STEAP1B: variants seen among roughly 807,000 people sequenced by gnomAD.
The protein encoded by STEAP1B is STEAP family member 1B.
In STEAP1B, 13 loss-of-function variants were observed where a neutral mutation model predicts 27.9. That is an observed-to-expected ratio of 0.47 (90% confidence interval 0.30 to 0.74). The LOEUF (loss-of-function observed/expected upper bound fraction) is 0.74, where lower values mean the gene tolerates loss of function less well. STEAP1B is among the 30% of genes least tolerant of loss of function. The pLI, the probability that STEAP1B is intolerant of heterozygous loss-of-function variation, is 0.06. For synonymous variants in STEAP1B, 86 were observed against 107.1 expected, an observed-to-expected ratio of 0.80 and a Z score of 1.22; for missense variants, 250 against 298.7, an observed-to-expected ratio of 0.84 and a Z score of 1.20.
chr7:22,430,598 G>A (rs1212893148), intron 4 of STEAP1B, among the ~76,000 whole-genome samples: 1 of 152,182 alleles, frequency 6.6e-6, no homozygotes, highest in Admixed American at 6.5e-5. Flanking sequence ...GGTTCTGACT[G>A]GAACCGTGGG....
At chr7:22,466,866 T>C (rs1210150778) in intron 4 of STEAP1B, among the ~76,000 whole-genome samples, 1 of 152,218 alleles carries the variant, frequency 6.6e-6, no homozygotes, top group Non-Finnish European at 1.5e-5. Context: ...AGCCCTGCAC[T>C]TGCTGGCCAT....
chr7:22,465,631 C>T (rs577299554), intron 4 of STEAP1B, among the ~76,000 whole-genome samples: 2 of 152,184 alleles, frequency 1.3e-5, no homozygotes, highest in African/African-American at 2.4e-5. Flanking sequence ...CTGGGTGTTG[C>T]GCCCAACCCC....
chr7:22,490,624 G>C (rs1481510218), intron 4 of STEAP1B, among the ~76,000 whole-genome samples: 1 of 152,190 alleles, frequency 6.6e-6, no homozygotes, highest in East Asian at 1.9e-4. Context: ...CAACACCTAG[G>C]AGTGTTTATC....
At chr7:22,432,783 G>C (rs973395839) in intron 4 of STEAP1B, among the ~76,000 whole-genome samples, 9 of 152,080 alleles carry the variant, frequency 5.9e-5, no homozygotes, top group Admixed American at 2.6e-4. Flanking sequence ...CAGAAGAAAG[G>C]AGAACGGACA....
At chr7:22,457,287 A>G (rs191586703) in intron 4 of STEAP1B, among the ~76,000 whole-genome samples, 219 of 152,224 alleles carry the variant, frequency 1.4e-3, no homozygotes, top group African/African-American at 4.8e-3. Context: ...TAGAAAAAAT[A>G]AATTAGGAAT....
chr7:22,456,601 C>T (rs974461608), intron 4 of STEAP1B, among the ~76,000 whole-genome samples: 3 of 151,964 alleles, frequency 2.0e-5, no homozygotes, highest in African/African-American at 7.3e-5. Flanking sequence ...TTTACTTATG[C>T]CCATTTTGAA....
intron 4 of STEAP1B, among the ~76,000 whole-genome samples, chr7:22,443,053 G>A (rs1446865212): frequency 2.0e-5 from 3 of 152,092 alleles, no homozygotes; most frequent in Non-Finnish European, 4.4e-5. Flanking sequence ...CCTCCCACTC[G>A]CTCCTGCCTG....
intron 4 of STEAP1B, among the ~76,000 whole-genome samples, chr7:22,468,891 C>T (rs1035880258): frequency 1.3e-5 from 2 of 152,228 alleles, no homozygotes; most frequent in African/African-American, 4.8e-5. Flanking sequence ...CACTGCCAGT[C>T]ATACAAAAGC....
At chr7:22,475,661 G>C (rs1449796473) in intron 4 of STEAP1B, among the ~76,000 whole-genome samples, 3 of 152,166 alleles carry the variant, frequency 2.0e-5, no homozygotes, top group African/African-American at 7.2e-5. Flanking sequence ...AGCTTTCCCT[G>C]AGAATGACCC....
In STEAP1B at chr7:22,453,423, G is replaced by A. The variant is rs1295737744; in HGVS notation, c.763-33587C>T. On this transcript the variant is annotated intron_variant, in intron 4 of 4. Coordinates refer to ENST00000678116, the MANE Select transcript of STEAP1B (RefSeq NM_001382447.1). ...CTACAGAGACCCCTTTGCAGTCATT[G>A]GCCTCAGGGAGGTTGTAAAGTACCA... Among the ~76,000 whole-genome samples, 14 of 151,870 alleles carry A rather than the reference G, an allele frequency of 9.2e-5. No individual in the cohort carries two copies. In the East Asian group the frequency reaches 2.7e-3, roughly 29 times the overall value.
intron 4 of STEAP1B, among the ~76,000 whole-genome samples, chr7:22,421,233 T>C (rs1583624718): frequency 6.6e-6 from 1 of 152,234 alleles, no homozygotes; most frequent in South Asian, 2.1e-4. Flanking sequence ...ATTGTGCTTT[T>C]ATGAAATAGG....
intron 4 of STEAP1B, among the ~76,000 whole-genome samples, chr7:22,465,808 G>C (rs1362635257): frequency 6.6e-6 from 1 of 152,176 alleles, no homozygotes; most frequent in Non-Finnish European, 1.5e-5. Context: ...GTCCAGTGCT[G>C]ACAGGCTGGA....
intron 4 of STEAP1B, among the ~76,000 whole-genome samples, chr7:22,453,895 G>A (rs182086698): frequency 1.7e-4 from 26 of 152,268 alleles, no homozygotes; most frequent in South Asian, 6.2e-4. Context: ...TTGTATTGCT[G>A]AGTAGTATTC....
intron 4 of STEAP1B, among the ~76,000 whole-genome samples, chr7:22,484,686 C>T (rs919543201): frequency 4.6e-5 from 7 of 152,160 alleles, no homozygotes; most frequent in Admixed American, 2.0e-4. Flanking sequence ...GCCAGAGATG[C>T]CATAGGTAAT....
intron 4 of STEAP1B, among the ~76,000 whole-genome samples, chr7:22,452,038 C>T (rs1274530292): frequency 1.3e-5 from 2 of 152,080 alleles, no homozygotes; most frequent in African/African-American, 4.8e-5. Flanking sequence ...CACTGGGATT[C>T]ATTAGTAATT....
chr7:22,464,045 G>A (rs535505792), intron 4 of STEAP1B, among the ~76,000 whole-genome samples: 92 of 152,058 alleles, frequency 6.1e-4, no homozygotes, highest in African/African-American at 1.8e-3. Flanking sequence ...GAAAATTTTC[G>A]CAACCTACTC....
At chr7:22,419,933 G>C (rs1204471511) in intron 4 of STEAP1B, 97 bp from the exon 5 acceptor site, 25 of 1,391,306 alleles carry the variant, frequency 1.8e-5, no homozygotes, top group Non-Finnish European at 2.3e-5. Flanking sequence ...ATGAGAAATT[G>C]CAAGTATACA....
intron 4 of STEAP1B, among the ~76,000 whole-genome samples, chr7:22,484,790 A>G (rs1031986492): frequency 6.6e-6 from 1 of 152,254 alleles, no homozygotes; most frequent in African/African-American, 2.4e-5. Flanking sequence ...TGATTTGTGG[A>G]AAGAAATCAA....
intron 4 of STEAP1B, among the ~76,000 whole-genome samples, chr7:22,460,145 A>G (rs1425579946): frequency 2.0e-5 from 3 of 152,018 alleles, no homozygotes; most frequent in African/African-American, 7.3e-5. Context: ...CCCCGTCTCT[A>G]CAAAAAAACG....
Sources: gnomAD v4.1 joint callset for allele counts (sites outside exome capture counted in the v4.1 genomes callset) on GRCh38, gnomAD v4.1.1 for gene constraint, MANE v1.5 for transcripts, NCBI Gene and HGNC (gene_info 2026-07-23, HGNC 2026-07-21) for gene names.